Variants in LAPTM4B observed in about 807,000 individuals in gnomAD.
LAPTM4B encodes lysosomal protein transmembrane 4 beta.
Under a neutral mutation model 28.5 loss-of-function variants are expected in LAPTM4B, and 26 were observed. The observed-to-expected ratio is 0.91, with a 90% confidence interval of 0.67 to 1.27. LAPTM4B has a LOEUF of 1.27. Ranked by LOEUF, LAPTM4B falls within the 50% of genes most tolerant of loss-of-function variation. The pLI is 0.00. For synonymous variants in LAPTM4B, 109 were observed against 106.4 expected (o/e 1.02, Z -0.15); for missense variants, 288 against 285.8 (o/e 1.01, Z -0.06).
intron 1 of LAPTM4B, chr8:97,788,505 C>G (rs888578395): frequency 5.4e-6 from 1 of 185,668 alleles, no homozygotes. Context: ...GCCTTGGCCT[C>G]CCAGAAGTGC....
chr8:97,829,993 C>A (rs1026874073), intron 6 of LAPTM4B, among the ~76,000 whole-genome samples: 1 of 152,118 alleles, frequency 6.6e-6, no homozygotes, highest in African/African-American at 2.4e-5. Flanking sequence ...CCGCGCCCAG[C>A]CCCTGCTGAA....
Position 97,820,304 on chromosome 8 carries a change from CTTTTTT to C in LAPTM4B, c.507+1077_507+1082del, listed in dbSNP as rs71570268. On this transcript the variant is annotated intron_variant, in intron 5 of 6. Transcript: ENST00000521545. ...TTTTTTTATTTATTTTTCTTTCTTT[CTTTTTT>C]TTTTTTTTTTGAGGTAGGGTCTCTC... 2.3e-5 allele frequency among the ~76,000 whole-genome samples: 3 copies of C among 128,350 alleles called. 1 individual carries two copies. Among genetic ancestry groups the C allele is most frequent in the African/African-American group, 8.6e-5 (3 of 34,710 alleles). 84.2% of individuals were successfully genotyped at this position (128,350 alleles called of 152,430 possible).
intron 6 of LAPTM4B, among the ~76,000 whole-genome samples, chr8:97,832,348 G>C (rs1457779206): frequency 6.6e-6 from 1 of 152,140 alleles, no homozygotes; most frequent in African/African-American, 2.4e-5. Context: ...ACATTTGGGG[G>C]CCATGGTCGA....
chr8:97,815,229 A>G, intron 2 of LAPTM4B, 99 bp from the exon 3 acceptor site: 2 of 809,804 alleles, frequency 2.5e-6, no homozygotes, highest in Non-Finnish European at 4.3e-6. Flanking sequence ...ACTTTATGCT[A>G]GTTTATTTAC....
intron 6 of LAPTM4B, among the ~76,000 whole-genome samples, chr8:97,849,391 T>G (rs989098966): frequency 3.3e-5 from 5 of 152,188 alleles, no homozygotes; most frequent in Non-Finnish European, 5.9e-5. Context: ...GACACCTAGG[T>G]GCTCAGTGGG....
chr8:97,813,185 G>C (rs1816854616), intron 2 of LAPTM4B, among the ~76,000 whole-genome samples: 3 of 152,250 alleles, frequency 2.0e-5, no homozygotes, highest in African/African-American at 7.2e-5. Context: ...ATCAGTCCAA[G>C]TCCCAAAACC....
At chr8:97,798,025 A>AT (rs377268904) in intron 1 of LAPTM4B, among the ~76,000 whole-genome samples, 70,755 of 151,764 alleles carry the variant, frequency 0.47, 16,890 homozygotes, top group African/African-American at 0.56. Context: ...GAATTAGAGC[A>AT]TAAGTGTGTC....
intron 1 of LAPTM4B, among the ~76,000 whole-genome samples, chr8:97,804,743 G>A (rs1407644157): frequency 6.6e-6 from 1 of 152,208 alleles, no homozygotes; most frequent in Admixed American, 6.5e-5. Context: ...TTGTCATTTA[G>A]AGGAGCTGAG....
intron 6 of LAPTM4B, among the ~76,000 whole-genome samples, chr8:97,825,924 A>G (rs1221253057): frequency 1.3e-5 from 2 of 152,176 alleles, no homozygotes; most frequent in African/African-American, 4.8e-5. Context: ...GTGGGTCAAA[A>G]CGGATAGGAT....
intron 2 of LAPTM4B, among the ~76,000 whole-genome samples, chr8:97,809,453 A>G (rs536351131): frequency 6.6e-6 from 1 of 152,322 alleles, no homozygotes; most frequent in South Asian, 2.1e-4. Flanking sequence ...TAATCCCAGC[A>G]CTTTGGGAGG....
chr8:97,781,128 A>G (rs1586317095), intron 1 of LAPTM4B, among the ~76,000 whole-genome samples: 1 of 150,984 alleles, frequency 6.6e-6, no homozygotes, highest in Non-Finnish European at 1.5e-5. Context: ...AGCTGGGATT[A>G]CAGGTGAGCT....
intron 5 of LAPTM4B, among the ~76,000 whole-genome samples, chr8:97,822,518 A>G (rs1817020959): frequency 6.8e-6 from 1 of 146,948 alleles, no homozygotes; most frequent in African/African-American, 2.5e-5. Flanking sequence ...TTCTGTCAGT[A>G]TGACTTCTAT....
chr8:97,828,322 A>AG (rs1366463049), intron 6 of LAPTM4B, among the ~76,000 whole-genome samples: 2 of 152,110 alleles, frequency 1.3e-5, no homozygotes, highest in Non-Finnish European at 2.9e-5. Context: ...ACCCTGGGGC[A>AG]GGGGGTGACA....
At chr8:97,824,179 A>G (rs1817056359) in intron 5 of LAPTM4B, among the ~76,000 whole-genome samples, 1 of 152,032 alleles carries the variant, frequency 6.6e-6, no homozygotes, top group Admixed American at 6.6e-5. Flanking sequence ...TTCGGTATAT[A>G]TTATATATAT....
Position 97,815,383 on chromosome 8 carries a change from T to C in LAPTM4B, c.267T>C (p.Ala89=). 6.2e-7 allele frequency: 1 copy of C among 1,613,812 alleles called. No homozygotes were observed. Among genetic ancestry groups the C allele is most frequent in the Non-Finnish European group, 8.5e-7 (1 of 1,179,674 alleles). The change falls in exon 3 of 7, where the codon GCT becomes GCC. Residue 89 remains alanine (A), a synonymous_variant. Coordinates refer to ENST00000521545, the MANE Select transcript of LAPTM4B (RefSeq NM_018407.6). ...SLLMILICAM[A]TYGAYKQRAA... is the part of the protein sequence containing the mutation. ...TCATGATCCTGATATGTGCTATGGC[T>C]ACTTACGGAGCGTACAAGGTAAGCC... is the stretch of plus-strand genomic sequence containing the variant.
intron 1 of LAPTM4B, among the ~76,000 whole-genome samples, chr8:97,785,286 A>G (rs1816383323): frequency 6.6e-6 from 1 of 152,084 alleles, no homozygotes; most frequent in African/African-American, 2.4e-5. Context: ...CATGTTGACC[A>G]GGCTGGTCTA....
intron 6 of LAPTM4B, among the ~76,000 whole-genome samples, chr8:97,847,563 C>T (rs1216905703): frequency 1.3e-5 from 2 of 152,196 alleles, no homozygotes; most frequent in Admixed American, 1.3e-4. Context: ...GGGCACATCC[C>T]ATGTTCATTG....
intron 5 of LAPTM4B, among the ~76,000 whole-genome samples, chr8:97,819,957 G>T (rs185275115): frequency 6.6e-6 from 1 of 151,938 alleles, no homozygotes; most frequent in Non-Finnish European, 1.5e-5. Context: ...GGATGGTCTC[G>T]ATCTCCTGAC....
At chr8:97,776,322 G>A (rs1816214114) in intron 1 of LAPTM4B, among the ~76,000 whole-genome samples, 4 of 152,386 alleles carry the variant, frequency 2.6e-5, no homozygotes, top group African/African-American at 9.6e-5. Flanking sequence ...GGGGAGGCCA[G>A]GGGCGCGGGG....
Sources: gnomAD v4.1 joint callset for allele counts (sites outside exome capture counted in the v4.1 genomes callset) on GRCh38, gnomAD v4.1.1 for gene constraint, MANE v1.5 for transcripts, NCBI Gene and HGNC (gene_info 2026-07-23, HGNC 2026-07-21) for gene names.